DIS3L2: variants seen among roughly 807,000 people sequenced by gnomAD.
DIS3L2 encodes the protein DIS3-like exonuclease 2.
DIS3L2 carries 34 observed loss-of-function variants against 97.5 expected under a neutral mutation model. The ratio of observed to expected loss-of-function variants is 0.35; its 90% CI spans 0.27 to 0.46. DIS3L2 has a LOEUF of 0.46. Ranked by LOEUF, DIS3L2 falls within the 20% of genes least tolerant of loss-of-function variation. The probability of loss-of-function intolerance (pLI) is 1.00; values close to 1 mark genes in which losing one functional copy is unlikely to be tolerated. For synonymous variants in DIS3L2, 435 were observed against 445.2 expected, an observed-to-expected ratio of 0.98 and a Z score of 0.29; for missense variants, 1,038 against 1,146.0, an observed-to-expected ratio of 0.91 and a Z score of 1.36.
At chr2:232,111,897 A>G (rs776054490) in intron 6 of DIS3L2, among the ~76,000 whole-genome samples, 19 of 152,202 alleles carry the variant, frequency 1.2e-4, no homozygotes, top group Non-Finnish European at 2.2e-4. Context: ...ACCAGAAGCA[A>G]ATATGTGCTC....
intron 9 of DIS3L2, among the ~76,000 whole-genome samples, chr2:232,201,635 G>T (rs755227454): frequency 6.6e-6 from 1 of 152,184 alleles, no homozygotes; most frequent in African/African-American, 2.4e-5. Flanking sequence ...ATTTAAACGT[G>T]GTCTATGAAT....
intron 11 of DIS3L2, among the ~76,000 whole-genome samples, chr2:232,242,100 G>A (rs1333122257): frequency 4.6e-5 from 7 of 152,220 alleles, no homozygotes; most frequent in Non-Finnish European, 7.3e-5. Flanking sequence ...GTCAAACTGT[G>A]TAGCAAAGAG....
chr2:232,186,098 T>C (rs1273853251), intron 9 of DIS3L2, among the ~76,000 whole-genome samples: 1 of 152,186 alleles, frequency 6.6e-6, no homozygotes, highest in Non-Finnish European at 1.5e-5. Context: ...CCCAAAGTGC[T>C]GGGATTATAG....
chr2:232,064,788 G>A (rs938772609), intron 5 of DIS3L2, among the ~76,000 whole-genome samples: 7 of 152,070 alleles, frequency 4.6e-5, no homozygotes, highest in African/African-American at 1.7e-4. Flanking sequence ...TTTCCCTGAT[G>A]ACAAAATGAT....
At chr2:232,176,383 A>G (rs1487799660) in intron 9 of DIS3L2, among the ~76,000 whole-genome samples, 1 of 151,396 alleles carries the variant, frequency 6.6e-6, no homozygotes, top group Non-Finnish European at 1.5e-5. Flanking sequence ...GGGTTTGTCA[A>G]TTTTGTTGAT....
chr2:232,021,098 G>A (rs1694499053), intron 3 of DIS3L2, among the ~76,000 whole-genome samples: 1 of 152,156 alleles, frequency 6.6e-6, no homozygotes, highest in Non-Finnish European at 1.5e-5. Flanking sequence ...ATTTAGCCCA[G>A]TTGTGTGGTG....
intron 6 of DIS3L2, among the ~76,000 whole-genome samples, chr2:232,109,066 C>T (rs1420928277): frequency 1.3e-5 from 2 of 152,140 alleles, no homozygotes; most frequent in East Asian, 1.9e-4. Context: ...TTTTAAAATT[C>T]ATATGGAACC....
At chr2:232,192,473 C>T (rs780635857) in intron 9 of DIS3L2, among the ~76,000 whole-genome samples, 1 of 152,214 alleles carries the variant, frequency 6.6e-6, no homozygotes, top group Non-Finnish European at 1.5e-5. Flanking sequence ...CTTCATACTT[C>T]CCCCTTCCTC....
downstream of DIS3L2, chr2:232,340,884 A>G: frequency 2.1e-6 from 1 of 471,296 alleles, no homozygotes; most frequent in African/African-American, 2.0e-5. Flanking sequence ...CGTGGAGGAA[A>G]ACTTCATGAA....
At chr2:232,318,558 G>A (rs1695339644) in intron 14 of DIS3L2, among the ~76,000 whole-genome samples, 1 of 152,234 alleles carries the variant, frequency 6.6e-6, no homozygotes, top group African/African-American at 2.4e-5. Flanking sequence ...CCAGGGGGGA[G>A]GTGAACAAAG....
chr2:232,087,403 A>G (rs1428759571), intron 5 of DIS3L2, 84 bp from the exon 6 acceptor site: 2 of 982,924 alleles, frequency 2.0e-6, no homozygotes, highest in East Asian at 5.1e-5. Context: ...CTGAATATGC[A>G]GTTTCTTCCT....
At chr2:231,974,047 A>AATAT (rs973108941) in intron 1 of DIS3L2, among the ~76,000 whole-genome samples, 1 of 151,910 alleles carries the variant, frequency 6.6e-6, no homozygotes, top group African/African-American at 2.4e-5. Flanking sequence ...CAGTTAAAAA[A>AATAT]ATATATATAT....
chr2:232,209,873 C>T (rs1464678968), intron 9 of DIS3L2, among the ~76,000 whole-genome samples: 1 of 152,146 alleles, frequency 6.6e-6, no homozygotes, highest in East Asian at 1.9e-4. Context: ...TCCAGGTAGA[C>T]TTCTATTATG....
chr2:232,270,865 T>TCTCTCC (rs1248358601), intron 13 of DIS3L2, among the ~76,000 whole-genome samples: 44 of 21,264 alleles, frequency 2.1e-3, no homozygotes, highest in Admixed American at 5.8e-3. Context: ...TTCTCGTCTC[T>TCTCTCC]CTCTCTCTCT....
intron 5 of DIS3L2, among the ~76,000 whole-genome samples, chr2:232,063,415 G>A (rs1215066435): frequency 6.6e-6 from 1 of 152,140 alleles, no homozygotes; most frequent in Non-Finnish European, 1.5e-5. Flanking sequence ...GCGTTTTAAG[G>A]TACATACGAA....
intron 8 of DIS3L2, among the ~76,000 whole-genome samples, chr2:232,148,118 C>T (rs1215615838): frequency 4.9e-5 from 7 of 143,880 alleles, no homozygotes; most frequent in African/African-American, 1.0e-4. Flanking sequence ...GGTTCAATCT[C>T]GGCTCACTGC....
chr2:232,111,467 G>C (rs1217860392), intron 6 of DIS3L2, among the ~76,000 whole-genome samples: 1 of 152,068 alleles, frequency 6.6e-6, no homozygotes, highest in Non-Finnish European at 1.5e-5. Context: ...CAGTTGCCAA[G>C]CTGGGTCTTG....
In DIS3L2 at chr2:232,263,258, A is replaced by C. The variant is rs1387687437; in HGVS notation, c.1477A>C (p.Ser493Arg). ...RTIIRSCTKL[S>R]YEHAQSMIES... is the part of the protein sequence containing the mutation. ...CATCATCCGCTCCTGCACCAAACTT[A>C]GCTACGAGCATGCACAGAGCATGAT... is the stretch of plus-strand genomic sequence containing the variant. Residue 493 changes from serine to arginine, a missense_variant, in exon 13 of 21, where the codon AGC (serine) becomes CGC (arginine). Physicochemically the swap from Ser to Arg is moderately radical, Grantham distance 110 (BLOSUM62 -1). Coordinates refer to ENST00000325385, the MANE Select transcript of DIS3L2 (RefSeq NM_152383.5). 1.9e-6 allele frequency: 3 copies of C among 1,614,106 alleles called. No individual in the cohort carries two copies. Among genetic ancestry groups the C allele is most frequent in the Non-Finnish European group, 2.5e-6 (3 of 1,180,052 alleles).
At chr2:232,082,352 C>A (rs1696428098) in intron 5 of DIS3L2, among the ~76,000 whole-genome samples, 1 of 152,222 alleles carries the variant, frequency 6.6e-6, no homozygotes, top group Admixed American at 6.5e-5. Flanking sequence ...TGGTACTGGT[C>A]TGTGGCCTGT....
Sources: gnomAD v4.1 joint callset for allele counts (sites outside exome capture counted in the v4.1 genomes callset) on GRCh38, gnomAD v4.1.1 for gene constraint, MANE v1.5 for transcripts, NCBI Gene and HGNC (gene_info 2026-07-23, HGNC 2026-07-21) for gene names.